Variants in ZNF532 observed in about 807,000 individuals in gnomAD.
ZNF532 encodes the protein zinc finger protein 532.
A neutral mutation model predicts 89.3 loss-of-function variants in ZNF532; 22 were observed. The observed-to-expected ratio is 0.25, with a 90% CI of 0.18 to 0.35. The LOEUF is 0.35. ZNF532 is among the 10% of genes least tolerant of loss of function. ZNF532 has a pLI of 1.00. For synonymous variants in ZNF532, 606 were observed against 649.6 expected (o/e 0.93, Z 1.02); for missense variants, 1,132 against 1,643.4 (o/e 0.69, Z 5.38).
chr18:58,882,156 C>T (rs570110123), intron 2 of ZNF532, among the ~76,000 whole-genome samples: 2 of 152,252 alleles, frequency 1.3e-5, no homozygotes, highest in East Asian at 3.9e-4. Flanking sequence ...GACGGGGTTT[C>T]ACAATGTTGC....
At chr18:58,870,079 T>G (rs1301433847) in intron 2 of ZNF532, among the ~76,000 whole-genome samples, 3 of 150,930 alleles carry the variant, frequency 2.0e-5, no homozygotes, top group East Asian at 1.9e-4. Flanking sequence ...GTTGTTTTTT[T>G]TTTTTTTTTT....
At chr18:58,929,174 T>C (rs768835305) in intron 3 of ZNF532, among the ~76,000 whole-genome samples, 23 of 152,180 alleles carry the variant, frequency 1.5e-4, no homozygotes, top group Non-Finnish European at 2.9e-4. Flanking sequence ...TCTAAGATGT[T>C]GAAGCATAGG....
At chr18:58,954,374 A>C in intron 7 of ZNF532, 2 of 512,092 alleles carry the variant, frequency 3.9e-6, no homozygotes, top group Non-Finnish European at 5.0e-6. Context: ...TTTAAAAAAT[A>C]CTTATTAGAC....
At chr18:58,980,402 CG>C (rs755984408) in intron 8 of ZNF532, 3 of 152,204 alleles carry the variant, frequency 2.0e-5, no homozygotes, top group Non-Finnish European at 2.9e-5. Context: ...TGCTAACTTA[CG>C]GCCAACAAAA....
intron 5 of ZNF532, among the ~76,000 whole-genome samples, chr18:58,946,189 T>C (rs1234805992): frequency 6.6e-6 from 1 of 152,132 alleles, no homozygotes; most frequent in Non-Finnish European, 1.5e-5. Context: ...AATGTGATCA[T>C]ACCATACATT....
chr18:58,919,072 A>G lies in ZNF532; in HGVS notation c.785A>G (p.Lys262Arg). The G allele has an allele frequency of 6.2e-7, 1 of 1,614,136 alleles. No individual in the cohort carries two copies. Among genetic ancestry groups the G allele is most frequent in the Non-Finnish European group, 8.5e-7 (1 of 1,180,034 alleles). The change falls in exon 3 of 10, where the codon AAG becomes AGG. Residue 262 changes from lysine (K) to arginine (R), a missense_variant. This residue lies in a region of ZNF532 where 302 missense variants were observed against 319.8 expected (regional missense o/e 0.94). Coordinates refer to ENST00000591808, the MANE Select transcript of ZNF532 (RefSeq NM_001375912.1). The surrounding 1 kb of genome is among the most constrained non-coding windows in gnomAD (Gnocchi z 6.1). ...SLPSVAPSKTKSSSKLSSCIA... is the reference protein window; with the variant it reads ...SLPSVAPSKTRSSSKLSSCIA... ...CCCAGCGTTGCGCCATCAAAGACAA[A>G]GTCGTCCTCCAAGCTCTCGTCCTGC...
intron 7 of ZNF532, among the ~76,000 whole-genome samples, chr18:58,976,902 A>G (rs1415523884): frequency 6.6e-6 from 1 of 152,226 alleles, no homozygotes; most frequent in Non-Finnish European, 1.5e-5. Context: ...CCTGTTGTTC[A>G]TGACTTTAAA....
intron 2 of ZNF532, among the ~76,000 whole-genome samples, chr18:58,901,219 A>G (rs1448027687): frequency 1.3e-5 from 2 of 152,182 alleles, no homozygotes; most frequent in Non-Finnish European, 2.9e-5. Flanking sequence ...TGTGAAGCCC[A>G]CATCAGTGGC....
chr18:58,979,958 G>A (rs925869096), intron 8 of ZNF532: 9 of 152,214 alleles, frequency 5.9e-5, no homozygotes, highest in Admixed American at 3.9e-4. Context: ...ACACCAGAAC[G>A]TATCTCATCA....
At chr18:58,972,977 G>T (rs1224024558) in intron 7 of ZNF532, among the ~76,000 whole-genome samples, 1 of 152,160 alleles carries the variant, frequency 6.6e-6, no homozygotes, top group East Asian at 1.9e-4. Flanking sequence ...GGAGCTTATG[G>T]GGGAGGGAAA....
At chr18:58,981,919 G>A (rs377222572) in intron 9 of ZNF532, among the ~76,000 whole-genome samples, 13 of 148,160 alleles carry the variant, frequency 8.8e-5, no homozygotes, top group East Asian at 2.0e-4. Context: ...CAGGAGAATC[G>A]CTTGAACTTG....
At chr18:58,922,262 A>G (rs970212337) in intron 3 of ZNF532, among the ~76,000 whole-genome samples, 1 of 152,190 alleles carries the variant, frequency 6.6e-6, no homozygotes, top group Admixed American at 6.5e-5. Context: ...TAGGATGTTT[A>G]TGCCGCAATT....
chr18:58,892,124 CTCA>C (rs58753182), intron 2 of ZNF532, among the ~76,000 whole-genome samples: 2,943 of 152,250 alleles, frequency 0.019, 107 homozygotes, highest in African/African-American at 0.067. Flanking sequence ...CTCCATTTCT[CTCA>C]TCTTTCATTT....
chr18:58,880,761 C>T lies in ZNF532; in HGVS notation c.-18+15182C>T, dbSNP rs1435177676. Among the ~76,000 whole-genome samples the T allele has an allele frequency of 1.4e-3, 114 of 81,246 alleles. 2 individuals are homozygous for T. In the Middle Eastern group the frequency reaches 0.031, roughly 22 times the overall value. The allele number at this position is 81,246 out of a possible 152,430, so 53.3% of individuals were successfully genotyped here. A position where few individuals can be genotyped will look rare whatever the true frequency, so the allele number is the denominator to read the frequency against. ...TTGAGCCCTCTCATAGGCGCGCGCG[C>T]ACGCGCGCGCGTCTGTGTGTGTGTG... On this transcript the variant is annotated intron_variant, in intron 2 of 9. Transcript: ENST00000591808.
rs2061683271 is a variant in ZNF532 at position 58,928,235 on chromosome 18, A to G, written c.2347-6198A>G. Among the ~76,000 whole-genome samples the G allele has an allele frequency of 2.6e-5, 4 of 152,018 alleles. No individual in the cohort carries two copies. In the South Asian group the frequency reaches 6.2e-4, roughly 24 times the overall value. ...CCCACGCCTCTCACCACCTCCCCTTACGCATGCCTTTAGCCTTCTGAGACT... is the reference window on the plus strand; with the variant it reads ...CCCACGCCTCTCACCACCTCCCCTTGCGCATGCCTTTAGCCTTCTGAGACT... On this transcript the variant is annotated intron_variant, in intron 3 of 9. Coordinates refer to ENST00000591808, the MANE Select transcript of ZNF532 (RefSeq NM_001375912.1).
intron 2 of ZNF532, among the ~76,000 whole-genome samples, chr18:58,887,082 G>T (rs568674944): frequency 6.6e-6 from 1 of 152,314 alleles, no homozygotes; most frequent in South Asian, 2.1e-4. Context: ...CTTTTCTGGC[G>T]GTGAAATGAA....
chr18:58,955,432 A>C (rs1214342235), intron 7 of ZNF532, among the ~76,000 whole-genome samples: 6 of 152,234 alleles, frequency 3.9e-5, no homozygotes, highest in African/African-American at 1.4e-4. Flanking sequence ...GCTTTAACTT[A>C]AGCCAATAGA....
Position 58,948,125 on chromosome 18 carries a change from C to T in ZNF532, c.2764C>T (p.Arg922Cys), listed in dbSNP as rs1245085763. 5.0e-6 allele frequency: 8 copies of T among 1,613,752 alleles called. No individual in the cohort carries two copies. Among genetic ancestry groups the T allele is most frequent in the African/African-American group, 1.3e-5 (1 of 74,908 alleles). Residue 922 changes from arginine to cysteine, a missense_variant, in exon 6 of 10, where the codon CGC becomes TGC. Around this residue, in one of 9 missense-constraint regions of ZNF532, gnomAD observed 415 missense variants for 604.8 expected, o/e 0.69. Coordinates refer to ENST00000591808, the MANE Select transcript of ZNF532 (RefSeq NM_001375912.1). ...GTTCACCCTGCAAACCTTGCTGTAT[C>T]GCCACTTTGACCAACACATTGAAAA... ...TVFTLQTLLY[R>C]HFDQHIENQK...
intron 2 of ZNF532, among the ~76,000 whole-genome samples, chr18:58,881,936 T>TC (rs2057956425): frequency 6.6e-6 from 1 of 152,216 alleles, no homozygotes; most frequent in Admixed American, 6.5e-5. Flanking sequence ...TGGAAATACT[T>TC]CCAGAACCAT....
Sources: gnomAD v4.1 joint callset for allele counts (sites outside exome capture counted in the v4.1 genomes callset) on GRCh38, gnomAD v4.1.1 for gene constraint, gnomAD v4.1.1 regional missense constraint, Gnocchi (gnomAD v3.1) non-coding constraint, MANE v1.5 for transcripts, NCBI Gene and HGNC (gene_info 2026-07-23, HGNC 2026-07-21) for gene names.